The following SNX24 variants were observed in gnomAD, a reference collection of about 807,000 sequenced individuals.
SNX24 encodes the protein sorting nexin 24, also known as sorting nexin-24.
A neutral mutation model predicts 28.7 loss-of-function variants in SNX24; 22 were observed. The observed-to-expected ratio is 0.77, with a 90% CI of 0.55 to 1.10. SNX24 has a LOEUF of 1.10. Ranked by LOEUF, SNX24 falls within the 50% of genes least tolerant of loss-of-function variation. The pLI is 0.00. For synonymous variants in SNX24, 69 were observed against 71.5 expected (o/e 0.96, Z 0.18); for missense variants, 221 against 201.1 (o/e 1.10, Z -0.60).
At chr5:123,025,867 C>T (rs1264377000) in intron 5 of SNX24, 2 of 1,614,114 alleles carry the variant, frequency 1.2e-6, no homozygotes, top group Admixed American at 3.3e-5. Flanking sequence ...AACTGAGAGC[C>T]ATTGGTGTCA....
intron 1 of SNX24, among the ~76,000 whole-genome samples, chr5:122,931,489 T>A (rs1219574045): frequency 2.0e-5 from 3 of 152,284 alleles, no homozygotes; most frequent in Non-Finnish European, 4.4e-5. Flanking sequence ...TATAGTGGAA[T>A]AACAACCTTT....
chr5:122,905,383 A>G (rs1373557770), intron 1 of SNX24, among the ~76,000 whole-genome samples: 1 of 152,202 alleles, frequency 6.6e-6, no homozygotes, highest in Non-Finnish European at 1.5e-5. Context: ...CACTGTATTG[A>G]TCACAGGTGG....
intron 1 of SNX24, among the ~76,000 whole-genome samples, chr5:122,858,334 G>A (rs1000000360): frequency 6.6e-6 from 1 of 152,134 alleles, no homozygotes; most frequent in Middle Eastern, 3.2e-3. Flanking sequence ...GAAAAATGCC[G>A]CCGATAGGCT....
At chr5:122,899,734 C>A (rs1757350426) in intron 1 of SNX24, among the ~76,000 whole-genome samples, 1 of 152,146 alleles carries the variant, frequency 6.6e-6, no homozygotes, top group Admixed American at 6.5e-5. Context: ...TAAAAAGTTC[C>A]TTCAGCACTT....
chr5:122,932,477 A>T (rs1427402067), intron 1 of SNX24, among the ~76,000 whole-genome samples: 1 of 152,230 alleles, frequency 6.6e-6, no homozygotes, highest in Non-Finnish European at 1.5e-5. Flanking sequence ...TAAATAAAAT[A>T]AAAATAAACA....
intron 1 of SNX24, among the ~76,000 whole-genome samples, chr5:122,884,354 C>T (rs1756613711): frequency 2.8e-5 from 4 of 143,050 alleles, no homozygotes; most frequent in East Asian, 2.1e-4. Context: ...CTGGTTCAAG[C>T]GATTCTCTTG....
At chr5:122,926,012 T>C (rs1442390289) in intron 1 of SNX24, among the ~76,000 whole-genome samples, 6 of 151,834 alleles carry the variant, frequency 4.0e-5, no homozygotes, top group African/African-American at 1.5e-4. Flanking sequence ...AGTGTGTATG[T>C]TTGTGTGTGT....
chr5:122,945,072 A>G (rs756850735), intron 2 of SNX24, among the ~76,000 whole-genome samples: 41 of 152,310 alleles, frequency 2.7e-4, no homozygotes, highest in Non-Finnish European at 5.1e-4. Context: ...CTGGGCTAAA[A>G]TCAAGGTGTC....
intron 5 of SNX24, among the ~76,000 whole-genome samples, chr5:123,019,456 T>G (rs1762732506): frequency 6.6e-6 from 1 of 152,220 alleles, no homozygotes; most frequent in African/African-American, 2.4e-5. Context: ...TCAAAACGGC[T>G]AAACTAAGAA....
At chr5:122,990,350 T>C (rs962824552) in intron 3 of SNX24, among the ~76,000 whole-genome samples, 1 of 152,222 alleles carries the variant, frequency 6.6e-6, no homozygotes, top group Non-Finnish European at 1.5e-5. Flanking sequence ...GTTGGAAGTC[T>C]TCATTTAAAA....
intron 1 of SNX24, among the ~76,000 whole-genome samples, chr5:122,908,285 AT>A (rs1757734850): frequency 6.6e-6 from 1 of 152,210 alleles, no homozygotes; most frequent in East Asian, 1.9e-4. Flanking sequence ...GTCAGATGTC[AT>A]TGAGTGATGT....
chr5:122,890,401 G>T (rs1481280050), intron 1 of SNX24, among the ~76,000 whole-genome samples: 2 of 150,898 alleles, frequency 1.3e-5, no homozygotes, highest in Non-Finnish European at 2.9e-5. Flanking sequence ...TTACTCTCTT[G>T]TTGGCAAAAT....
At chr5:122,891,986 G>A (rs111772951) in intron 1 of SNX24, among the ~76,000 whole-genome samples, 75 of 152,160 alleles carry the variant, frequency 4.9e-4, no homozygotes, top group Non-Finnish European at 8.8e-4. Flanking sequence ...TTATAACATC[G>A]TGAGGACCTT....
At chr5:123,013,677 C>T (rs968548343), downstream of SNX24, among the ~76,000 whole-genome samples, 2 of 152,092 alleles carry the variant, frequency 1.3e-5, no homozygotes, top group South Asian at 2.1e-4. Flanking sequence ...GTAAATCTGG[C>T]CTATAAAATG....
chr5:122,885,863 C>T (rs1207653259), intron 1 of SNX24, among the ~76,000 whole-genome samples: 2 of 152,120 alleles, frequency 1.3e-5, no homozygotes, highest in African/African-American at 4.8e-5. Context: ...GAAACTGTTC[C>T]ACCTCAGATC....
chr5:122,919,015 A>C (rs1257852171), intron 1 of SNX24, among the ~76,000 whole-genome samples: 1 of 152,248 alleles, frequency 6.6e-6, no homozygotes, highest in Non-Finnish European at 1.5e-5. Flanking sequence ...TTAAGACTTC[A>C]GAGATACAAA....
At chr5:122,957,312 A>G (rs908545819) in intron 3 of SNX24, among the ~76,000 whole-genome samples, 2 of 152,204 alleles carry the variant, frequency 1.3e-5, no homozygotes, top group African/African-American at 4.8e-5. Context: ...TCTTCTCAAA[A>G]AACCGTTGGA....
At chr5:122,955,513 A>C (rs1341747611) in intron 3 of SNX24, among the ~76,000 whole-genome samples, 1 of 152,104 alleles carries the variant, frequency 6.6e-6, no homozygotes, top group Non-Finnish European at 1.5e-5. Flanking sequence ...TATACCTTCT[A>C]TTTTAGCTGA....
In SNX24 at chr5:122,886,610, CGAGACCAGCCTGGCCAA is replaced by C. The variant is rs528669308; in HGVS notation, c.60+40935_60+40951del. ...TCAGGGAATCACGAGGTCAGGAGTT[CGAGACCAGCCTGGCCAA>C]GAGACCAGCCTGGCCAATATGGTGA... is the stretch of plus-strand genomic sequence containing the variant. On this transcript the variant is annotated intron_variant, in intron 1 of 6. Transcript: ENST00000261369. 7.6e-4 allele frequency among the ~76,000 whole-genome samples: 116 copies of C among 152,122 alleles called. 1 individual carries two copies. Among genetic ancestry groups the C allele is most frequent in the Admixed American group, 1.3e-3 (20 of 15,274 alleles).
Sources: gnomAD v4.1 joint callset for allele counts (sites outside exome capture counted in the v4.1 genomes callset) on GRCh38, gnomAD v4.1.1 for gene constraint, MANE v1.5 for transcripts, NCBI Gene and HGNC (gene_info 2026-07-23, HGNC 2026-07-21) for gene names.